Variants in PLCB3 observed in about 807,000 individuals in gnomAD.
PLCB3 encodes the protein phospholipase C beta 3.
In PLCB3, 54 loss-of-function variants were observed where a neutral mutation model predicts 152.1. The observed-to-expected ratio is 0.36, with a 90% confidence interval of 0.29 to 0.45. The LOEUF is 0.45. Ranked by LOEUF, PLCB3 falls within the 20% of genes least tolerant of loss-of-function variation. PLCB3 has a pLI of 1.00. For missense variants in PLCB3, 1,248 were observed against 1,687.5 expected, an observed-to-expected ratio of 0.74 and a Z score of 4.56; for synonymous variants, 717 against 698.7, an observed-to-expected ratio of 1.03 and a Z score of -0.41.
rs543413428 is a variant in PLCB3, at chr11:64,267,613, G to A, written c.*57G>A. ...GCGGGCGCTGGGTGGAGGGCAGGAG[G>A]CAATGACACTAATGCTTTTTTTTTT... On this transcript the variant is annotated 3_prime_UTR_variant, in exon 31 of 31. Transcript: ENST00000279230. This position sits in a 1 kb window ranked among gnomAD's most constrained non-coding sequence, Gnocchi z 5.2. The A allele has an allele frequency of 5.0e-6, 6 of 1,205,778 alleles. No individual in the cohort carries two copies. Among genetic ancestry groups the A allele is most frequent in the Non-Finnish European group, 5.7e-6 (5 of 869,932 alleles). The allele number at this position is 1,205,778 out of a possible 1,614,324, so 74.7% of individuals were successfully genotyped here.
In PLCB3 at chr11:64,267,864, A is replaced by G. The variant is rs954078202; in HGVS notation, c.*308A>G. On this transcript the variant is annotated 3_prime_UTR_variant, in exon 31 of 31. Coordinates refer to ENST00000279230, the MANE Select transcript of PLCB3 (RefSeq NM_000932.5). The surrounding 1 kb of genome is among the most constrained non-coding windows in gnomAD (Gnocchi z 5.2). ...CTTGGAGCTCCGGGAAGTAGGAGTC[A>G]CATTTTTTTCTCTATTCTTTGGGGA... is the stretch of plus-strand genomic sequence containing the variant. The G allele has an allele frequency of 3.7e-5, 14 of 377,172 alleles. No homozygotes were observed. Among genetic ancestry groups the G allele is most frequent in the African/African-American group, 2.7e-4 (13 of 47,614 alleles). 23.4% of individuals were successfully genotyped at this position (377,172 alleles called of 1,614,324 possible).
intron 10 of PLCB3, among the ~76,000 whole-genome samples, chr11:64,257,098 A>G (rs2031581941): frequency 6.9e-6 from 1 of 144,598 alleles, no homozygotes; most frequent in Admixed American, 7.3e-5. Flanking sequence ...TCTGCCTCCC[A>G]GGTTCAAGCG....
rs368671274 is a variant in PLCB3 at position 64,260,283 on chromosome 11, C to T, written c.1731+49C>T. The T allele has an allele frequency of 2.5e-4, 337 of 1,368,720 alleles. 1 individual carries two copies. The highest frequency in any genetic ancestry group is 6.8e-4 in the South Asian group (53 of 77,842). The allele number at this position is 1,368,720 out of a possible 1,614,324, so 84.8% of individuals were successfully genotyped here. A position where few individuals can be genotyped will look rare whatever the true frequency, so the allele number is the denominator to read the frequency against. On this transcript the variant is annotated intron_variant, in intron 14 of 30. Transcript: ENST00000279230. ...TCGGGGAGGTAGCATCTATTTACCT[C>T]CCAGGGGGCTGGGTCTGACCATCAA...
intron 13 of PLCB3, 70 bp downstream of exon 13, chr11:64,259,314 C>T (rs1017633469): frequency 2.4e-6 from 3 of 1,252,398 alleles, no homozygotes; most frequent in Non-Finnish European, 3.2e-6. Flanking sequence ...GGCGCCGTGA[C>T]ACTTCATCCC....
In PLCB3 at chr11:64,255,706, C is replaced by A. The variant is rs761979570; in HGVS notation, c.598-15C>A. 1 of 1,612,414 alleles carries A rather than the reference C, an allele frequency of 6.2e-7. No homozygotes were observed. On this transcript the variant is annotated splice_polypyrimidine_tract_variant and intron_variant, in intron 7 of 30. Transcript: ENST00000279230. The surrounding 1 kb of genome is among the most constrained non-coding windows in gnomAD (Gnocchi z 6.8). ...CCCGCCCCTGGCTTCTCACCCCACA[C>A]TCCTCGACCTCCAGAGTGAGTCCAT...
chr11:64,261,574 C>A lies in PLCB3; in HGVS notation c.1829-7C>A. The A allele has an allele frequency of 1.2e-6, 2 of 1,613,968 alleles. No individual in the cohort carries two copies. The highest frequency in any genetic ancestry group is 1.7e-6 in the Non-Finnish European group (2 of 1,179,834). ...GGTCTGACGCCCTTTCTTGGCTCACCCCTAAGAGAGGAACAAATGCTTCGA... is the reference window on the plus strand; with the variant it reads ...GGTCTGACGCCCTTTCTTGGCTCACACCTAAGAGAGGAACAAATGCTTCGA... On this transcript the variant is annotated splice_region_variant and splice_polypyrimidine_tract_variant and intron_variant, in intron 15 of 30. Coordinates refer to ENST00000279230, the MANE Select transcript of PLCB3 (RefSeq NM_000932.5).
chr11:64,267,614 C>T lies in PLCB3; in HGVS notation c.*58C>T. On this transcript the variant is annotated 3_prime_UTR_variant, in exon 31 of 31. Coordinates refer to ENST00000279230, the MANE Select transcript of PLCB3 (RefSeq NM_000932.5). The surrounding 1 kb of genome is among the most constrained non-coding windows in gnomAD (Gnocchi z 5.2). The stretch of plus-strand genomic sequence containing the variant: ...CGGGCGCTGGGTGGAGGGCAGGAGG[C>T]AATGACACTAATGCTTTTTTTTTTT... 1 of 1,078,734 alleles carries T rather than the reference C, an allele frequency of 9.3e-7. No individual in the cohort carries two copies. The highest frequency in any genetic ancestry group is 1.3e-6 in the Non-Finnish European group (1 of 756,230). 66.8% of individuals were successfully genotyped at this position (1,078,734 alleles called of 1,614,324 possible). A position where few individuals can be genotyped will look rare whatever the true frequency, so the allele number is the denominator to read the frequency against.
Position 64,255,226 on chromosome 11 carries a change from C to T in PLCB3, c.388-8C>T, listed in dbSNP as rs773589049. 2 of 1,609,498 alleles carry T rather than the reference C, an allele frequency of 1.2e-6. No individual in the cohort carries two copies. The highest frequency in any genetic ancestry group is 1.7e-6 in the Non-Finnish European group (2 of 1,176,518). On this transcript the variant is annotated splice_polypyrimidine_tract_variant and splice_region_variant and intron_variant, in intron 4 of 30. Coordinates refer to ENST00000279230, the MANE Select transcript of PLCB3 (RefSeq NM_000932.5). The surrounding 1 kb of genome is among the most constrained non-coding windows in gnomAD (Gnocchi z 6.8). ...CTCACCGCCTCCCCGTGTATACTGG[C>T]CCCCCAGGTCTGGTCTGAGGAGCTA...
rs1349958708 is a variant in PLCB3 at position 64,254,833 on chromosome 11, G to T, written c.246+17G>T. On this transcript the variant is annotated intron_variant, in intron 3 of 30. Transcript: ENST00000279230. ...CTGCCCAAGGTGAGTGATGAGCCTG[G>T]GAGTGAAGACCACAGCGAGGCTGTG... is the stretch of plus-strand genomic sequence containing the variant. 1 of 1,613,786 alleles carries T rather than the reference G, an allele frequency of 6.2e-7. No individual in the cohort carries two copies. The highest frequency in any genetic ancestry group is 8.5e-7 in the Non-Finnish European group (1 of 1,179,986).
At chr11:64,257,010 T>TG in intron 10 of PLCB3, among the ~76,000 whole-genome samples, 1 of 133,948 alleles carries the variant, frequency 7.5e-6, no homozygotes, top group Non-Finnish European at 1.7e-5. Context: ...TTTTTTTTTT[T>TG]TTTTTTTTTT....
In PLCB3 at chr11:64,267,354, TGCTGGCCCA is replaced by T; in HGVS notation, c.3514_3522del (p.Leu1172_Gln1174del). 1 of 1,547,702 alleles carries T rather than the reference TGCTGGCCCA, an allele frequency of 6.5e-7. No homozygotes were observed. The highest frequency in any genetic ancestry group is 8.7e-7 in the Non-Finnish European group (1 of 1,144,482). ...GTGATGCCCATCCTTCTCCCACAGCTGCTGGCCCAGCTGGCCCAGGAGTGTCAGGAGCAG... is the reference window on the plus strand; with the variant it reads ...GTGATGCCCATCCTTCTCCCACAGCTGCTGGCCCAGGAGTGTCAGGAGCAG... On this transcript the variant is annotated inframe_deletion and splice_region_variant, in exon 31 of 31. Coordinates refer to ENST00000279230, the MANE Select transcript of PLCB3 (RefSeq NM_000932.5). The surrounding 1 kb of genome is among the most constrained non-coding windows in gnomAD (Gnocchi z 5.2).
intron 13 of PLCB3, 143 bp downstream of exon 13, chr11:64,259,387 A>G: frequency 1.4e-6 from 1 of 703,914 alleles, no homozygotes; most frequent in Non-Finnish European, 2.3e-6. Flanking sequence ...CTGTCTCCTC[A>G]CCACCTGTCG....
rs2031436821 is a variant in PLCB3 at position 64,254,914 on chromosome 11, A to C, written c.263A>C (p.Glu88Ala). 3 of 1,606,434 alleles carry C rather than the reference A, an allele frequency of 1.9e-6. No homozygotes were observed. Among genetic ancestry groups the C allele is most frequent in the African/African-American group, 2.7e-5 (2 of 74,886 alleles). ...CCTACTCAGGACCCCAAGATCCGGG[A>C]AGTTCTGGGCTTTGGGGGTCCCGAT... is the stretch of plus-strand genomic sequence containing the variant. ...ARLPKDPKIREVLGFGGPDAR... is the reference protein window; with the variant it reads ...ARLPKDPKIRAVLGFGGPDAR... Residue 88 changes from glutamate to alanine, a missense_variant, in exon 4 of 31, where the codon GAA (glutamate) becomes GCA (alanine). Glu to Ala is a moderately radical substitution (Grantham distance 107). Coordinates refer to ENST00000279230, the MANE Select transcript of PLCB3 (RefSeq NM_000932.5).
rs930971905 is a variant in PLCB3, at chr11:64,254,969, G to A, written c.318G>A (p.Val106=). ...GGCTGGAGGAGAAGCTGATGACGGT[G>A]GTGTCTGGGCCAGACCCAGTGAACA... ...DARLEEKLMT[V]VSGPDPVNTV... Residue 106 remains valine, a synonymous_variant, in exon 4 of 31, where the codon GTG becomes GTA. Coordinates refer to ENST00000279230, the MANE Select transcript of PLCB3 (RefSeq NM_000932.5). 10 of 1,598,744 alleles carry A rather than the reference G, an allele frequency of 6.3e-6. No homozygotes were observed. Among genetic ancestry groups the A allele is most frequent in the Non-Finnish European group, 8.5e-6 (10 of 1,171,174 alleles).
At chr11:64,261,910 G>T (rs371069400) in intron 16 of PLCB3, 42 bp from the exon 17 acceptor site, 1 of 1,612,046 alleles carries the variant, frequency 6.2e-7, no homozygotes, top group South Asian at 1.1e-5. Flanking sequence ...GGCTGATGGG[G>T]TGGGCCCTGG....
chr11:64,265,433 C>G lies in PLCB3; in HGVS notation c.2966C>G (p.Thr989Ser). ...CATCAGCGGAAGGCAGTCACCCTCACCCGCCGCCTGCTGGATGGCCTGGCT... is the reference window on the plus strand; with the variant it reads ...CATCAGCGGAAGGCAGTCACCCTCAGCCGCCGCCTGCTGGATGGCCTGGCT... The part of the protein sequence containing the change: ...KKHQRKAVTL[T>S]RRLLDGLAQA... The change falls in exon 25 of 31, where the codon ACC becomes AGC. Residue 989 changes from threonine to serine, a missense_variant. Transcript: ENST00000279230. 6.2e-7 allele frequency: 1 copy of G among 1,611,278 alleles called. No individual in the cohort carries two copies.
intron 1 of PLCB3, among the ~76,000 whole-genome samples, chr11:64,253,656 A>T (rs548231028): frequency 6.6e-6 from 1 of 152,140 alleles, no homozygotes; most frequent in Non-Finnish European, 1.5e-5. Flanking sequence ...GCTGGTCCTG[A>T]GTCACACAGG....
chr11:64,257,984 T>G (rs1197596867), intron 10 of PLCB3, among the ~76,000 whole-genome samples: 1 of 151,894 alleles, frequency 6.6e-6, no homozygotes, highest in Non-Finnish European at 1.5e-5. Flanking sequence ...TGAAACCCCA[T>G]CTCTACTAAA....
chr11:64,253,543 CT>C, intron 1 of PLCB3, among the ~76,000 whole-genome samples: 1 of 152,310 alleles, frequency 6.6e-6, no homozygotes, highest in Non-Finnish European at 1.5e-5. Flanking sequence ...AGGTGGGGTC[CT>C]TTTCTGTCTG....
Sources: gnomAD v4.1 joint callset for allele counts (sites outside exome capture counted in the v4.1 genomes callset) on GRCh38, gnomAD v4.1.1 for gene constraint, Gnocchi (gnomAD v3.1) non-coding constraint, MANE v1.5 for transcripts, NCBI Gene and HGNC (gene_info 2026-07-23, HGNC 2026-07-21) for gene names.